The following RYR3 variants were observed in gnomAD, a reference collection of about 807,000 sequenced individuals.
RYR3 encodes the protein ryanodine receptor 3.
A neutral mutation model predicts 584.3 loss-of-function variants in RYR3; 207 were observed. The ratio of observed to expected loss-of-function variants is 0.35; its 90% CI spans 0.32 to 0.40. The LOEUF (loss-of-function observed/expected upper bound fraction) is 0.40, where lower values mean the gene tolerates loss of function less well. Among genes scored for constraint, RYR3 ranks in the 10% least tolerant of loss-of-function variants. The pLI is 1.00. For synonymous variants in RYR3, 2,416 were observed against 2,248.5 expected, an observed-to-expected ratio of 1.07 and a Z score of -2.11; for missense variants, 5,616 against 6,089.2, an observed-to-expected ratio of 0.92 and a Z score of 2.59.
At position 33,803,214 on chromosome 15, in the gene RYR3, GACAA is replaced by G. The variant is rs1160822512; in HGVS notation, c.10011+1259_10011+1262del. On this transcript the variant is annotated intron_variant, in intron 69 of 103. Transcript: ENST00000634891. ...TAGTATGCATTGCTTGATAAAGTTT[GACAA>G]ACAAAATTACGTACATACAAAGTAG... Among the ~76,000 whole-genome samples, 5 of 152,288 alleles carry G rather than the reference GACAA, an allele frequency of 3.3e-5. No homozygotes were observed. In the East Asian group the frequency reaches 9.7e-4, roughly 29 times the overall value.
rs187374038 is a variant in RYR3 at position 33,696,316 on chromosome 15, C to T, written c.5959C>T (p.Arg1987Trp). 18 of 1,613,794 alleles carry T rather than the reference C, an allele frequency of 1.1e-5. No homozygotes were observed. Among genetic ancestry groups the T allele is most frequent in the Admixed American group, 6.7e-5 (4 of 60,016 alleles). Reference sequence around the variant, plus strand: ...GGTCCGAATGATGTTCAACCTCCTCCGGAGGCAGTATGACAGCATTGGGGA... The same window carrying T: ...GGTCCGAATGATGTTCAACCTCCTCTGGAGGCAGTATGACAGCATTGGGGA... Reference protein sequence around the residue: ...ELVRMMFNLLRRQYDSIGELL... With the variant: ...ELVRMMFNLLWRQYDSIGELL... The change falls in exon 39 of 104, where the codon CGG (arginine) becomes TGG (tryptophan). Residue 1987 changes from arginine to tryptophan, a missense_variant. Around this residue, in one of 9 missense-constraint regions of RYR3, gnomAD observed 1,280 missense variants for 1,426.2 expected, o/e 0.90. Transcript: ENST00000634891.
intron 1 of RYR3, among the ~76,000 whole-genome samples, chr15:33,355,038 G>T (rs1243970542): frequency 6.6e-6 from 1 of 152,058 alleles, no homozygotes; most frequent in Non-Finnish European, 1.5e-5. Flanking sequence ...ACAAAAATTA[G>T]CCGGGCGTGG....
intron 1 of RYR3, among the ~76,000 whole-genome samples, chr15:33,425,108 A>G (rs2044513138): frequency 6.6e-6 from 1 of 152,294 alleles, no homozygotes; most frequent in South Asian, 2.1e-4. Flanking sequence ...AAAGTGCACC[A>G]TGGATGAATC....
At chr15:33,705,691 C>T (rs1342388983) in intron 42 of RYR3, among the ~76,000 whole-genome samples, 2 of 152,198 alleles carry the variant, frequency 1.3e-5, no homozygotes, top group Non-Finnish European at 2.9e-5. Context: ...CCACCAGTCC[C>T]AGTCCTTAAT....
chr15:33,557,036 G>A (rs1399448613), intron 10 of RYR3, among the ~76,000 whole-genome samples: 2 of 152,154 alleles, frequency 1.3e-5, no homozygotes, highest in Non-Finnish European at 2.9e-5. Flanking sequence ...CAATTCATTA[G>A]TTAACTGTGC....
chr15:33,372,643 G>A lies in RYR3; in HGVS notation c.51+61547G>A, dbSNP rs373536014. ...GCCTCCCAAAGTGCTGGGATTACAG[G>A]CGTGAGCCACCACGCCCGGCCCCAG... On this transcript the variant is annotated intron_variant, in intron 1 of 103. Coordinates refer to ENST00000634891, the MANE Select transcript of RYR3 (RefSeq NM_001036.6). Among the ~76,000 whole-genome samples the A allele has an allele frequency of 1.6e-3, 250 of 152,194 alleles. 1 individual carries two copies. The highest frequency in any genetic ancestry group is 5.8e-3 in the African/African-American group (241 of 41,520).
At chr15:33,458,485 CAT>C (rs1381696236) in intron 1 of RYR3, among the ~76,000 whole-genome samples, 16 of 152,224 alleles carry the variant, frequency 1.1e-4, no homozygotes, top group African/African-American at 3.9e-4. Flanking sequence ...TCCATAGACA[CAT>C]GAGCCAGTTC....
At chr15:33,421,069 G>A (rs1005025579) in intron 1 of RYR3, among the ~76,000 whole-genome samples, 23 of 152,106 alleles carry the variant, frequency 1.5e-4, no homozygotes, top group African/African-American at 4.3e-4. Flanking sequence ...GGGGAGCCAT[G>A]AGAGGAGGGA....
chr15:33,621,253 A>G (rs1269856656), intron 19 of RYR3, among the ~76,000 whole-genome samples: 2 of 152,238 alleles, frequency 1.3e-5, no homozygotes, highest in Admixed American at 6.5e-5. Flanking sequence ...TGGAGTCCAT[A>G]TGCTAGTGAG....
chr15:33,706,554 T>C (rs1001830011), intron 42 of RYR3, among the ~76,000 whole-genome samples: 5 of 152,222 alleles, frequency 3.3e-5, no homozygotes, highest in African/African-American at 4.8e-5. Context: ...CGTTGTAGCA[T>C]GTATCAAGAT....
At chr15:33,629,428 A>G (rs2061161128) in intron 21 of RYR3, among the ~76,000 whole-genome samples, 1 of 152,240 alleles carries the variant, frequency 6.6e-6, no homozygotes, top group Non-Finnish European at 1.5e-5. Flanking sequence ...ATTACTTGTT[A>G]AAATGATTAT....
intron 1 of RYR3, among the ~76,000 whole-genome samples, chr15:33,442,893 G>A (rs888845174): frequency 2.0e-5 from 3 of 152,198 alleles, no homozygotes; most frequent in Non-Finnish European, 4.4e-5. Flanking sequence ...GTAGAACACA[G>A]TTGTTCTAAT....
intron 47 of RYR3, among the ~76,000 whole-genome samples, chr15:33,729,362 C>T (rs529594163): frequency 2.6e-5 from 4 of 152,074 alleles, no homozygotes; most frequent in Non-Finnish European, 5.9e-5. Context: ...CAGTTCACCG[C>T]GAATCCCTGC....
chr15:33,793,247 C>A (rs1223319931), intron 67 of RYR3, among the ~76,000 whole-genome samples: 1 of 152,132 alleles, frequency 6.6e-6, no homozygotes, highest in Non-Finnish European at 1.5e-5. Flanking sequence ...CACACACCAC[C>A]CTCCCTGCCC....
At chr15:33,750,763 T>G (rs958820932) in intron 57 of RYR3, among the ~76,000 whole-genome samples, 3 of 152,216 alleles carry the variant, frequency 2.0e-5, no homozygotes, top group Admixed American at 6.5e-5. Flanking sequence ...GGAGTACATG[T>G]GCAGAACGTG....
intron 67 of RYR3, among the ~76,000 whole-genome samples, chr15:33,795,134 C>G (rs2075517792): frequency 1.3e-5 from 2 of 152,158 alleles, no homozygotes; most frequent in Admixed American, 6.5e-5. Context: ...TTTCCTCTTC[C>G]CTGGTTTTTC....
intron 16 of RYR3, among the ~76,000 whole-genome samples, chr15:33,596,495 T>TGGC: frequency 7.5e-6 from 1 of 133,986 alleles, no homozygotes; most frequent in Non-Finnish European, 1.6e-5. Flanking sequence ...GTTCTTTTTT[T>TGGC]GGGGGGGGGG....
intron 1 of RYR3, among the ~76,000 whole-genome samples, chr15:33,402,723 C>T (rs923462987): frequency 6.6e-6 from 1 of 152,228 alleles, no homozygotes; most frequent in Non-Finnish European, 1.5e-5. Context: ...CTGCCCTAGG[C>T]AGAGGGGCCC....
intron 1 of RYR3, among the ~76,000 whole-genome samples, chr15:33,386,406 C>T (rs1387354372): frequency 6.6e-6 from 1 of 152,116 alleles, no homozygotes; most frequent in African/African-American, 2.4e-5. Context: ...TGATTACTTT[C>T]GCGTCAAAAA....
Sources: gnomAD v4.1 joint callset for allele counts (sites outside exome capture counted in the v4.1 genomes callset) on GRCh38, gnomAD v4.1.1 for gene constraint, gnomAD v4.1.1 regional missense constraint, MANE v1.5 for transcripts, NCBI Gene and HGNC (gene_info 2026-07-23, HGNC 2026-07-21) for gene names.